SLC25A36: variants seen among roughly 807,000 people sequenced by gnomAD.
SLC25A36 encodes solute carrier family 25 member 36.
In SLC25A36, 24 loss-of-function variants were observed where a neutral mutation model predicts 35.3. The observed-to-expected ratio is 0.68, with a 90% CI of 0.49 to 0.96. The LOEUF is 0.96. SLC25A36 is among the 40% of genes least tolerant of loss of function. The probability of loss-of-function intolerance (pLI) is 0.00; values close to 1 mark genes in which losing one functional copy is unlikely to be tolerated. For synonymous variants in SLC25A36, 141 were observed against 132.2 expected (o/e 1.07, Z -0.46); for missense variants, 294 against 381.1 (o/e 0.77, Z 1.90).
At position 140,970,921 on chromosome 3, in the gene SLC25A36, G is replaced by T. The variant is rs748841547; in HGVS notation, c.386-6G>T. 1 of 1,395,226 alleles carries T rather than the reference G, an allele frequency of 7.2e-7. No homozygotes were observed. Among genetic ancestry groups the T allele is most frequent in the Non-Finnish European group, 1.0e-6 (1 of 983,074 alleles). The allele number at this position is 1,395,226 out of a possible 1,614,324, so 86.4% of individuals were successfully genotyped here. A position where few individuals can be genotyped will look rare whatever the true frequency, so the allele number is the denominator to read the frequency against. Reference sequence around the variant, plus strand: ...ACCAGAGTTCATTTTAAACATGTTTGTTTAGGTTTTACTGCAATCACAGCA... The same window carrying T: ...ACCAGAGTTCATTTTAAACATGTTTTTTTAGGTTTTACTGCAATCACAGCA... On this transcript the variant is annotated splice_polypyrimidine_tract_variant and splice_region_variant and intron_variant, in intron 4 of 6. Coordinates refer to ENST00000324194, the MANE Select transcript of SLC25A36 (RefSeq NM_001104647.3).
chr3:140,945,634 T>A (rs1267428469), intron 1 of SLC25A36, among the ~76,000 whole-genome samples: 2 of 151,964 alleles, frequency 1.3e-5, no homozygotes, highest in African/African-American at 4.8e-5. Flanking sequence ...ACATTTGTCC[T>A]GATGGTGCAA....
At chr3:140,952,030 T>A (rs1934341458) in intron 1 of SLC25A36, among the ~76,000 whole-genome samples, 1 of 151,104 alleles carries the variant, frequency 6.6e-6, no homozygotes, top group South Asian at 2.1e-4. Flanking sequence ...TTTTTTTTTT[T>A]TTTGCGATGG....
intron 3 of SLC25A36, 113 bp from the exon 4 acceptor site, chr3:140,963,014 C>A: frequency 1.7e-6 from 1 of 585,730 alleles, no homozygotes; most frequent in Non-Finnish European, 2.8e-6. Flanking sequence ...GAGAATGTGG[C>A]TAGGACTTTA....
chr3:140,967,888 A>G (rs1183194675), intron 4 of SLC25A36: 2 of 679,338 alleles, frequency 2.9e-6, no homozygotes, highest in Non-Finnish European at 3.6e-6. Context: ...TGTCGTCTTA[A>G]GTTCATTTTC....
chr3:140,973,304 A>G (rs1165392106), intron 5 of SLC25A36: 2 of 152,684 alleles, frequency 1.3e-5, no homozygotes, highest in East Asian at 1.9e-4. Context: ...CAGTCATTCT[A>G]TTTATGTTAC....
chr3:140,967,261 C>T (rs1934784733), intron 4 of SLC25A36, among the ~76,000 whole-genome samples: 1 of 151,874 alleles, frequency 6.6e-6, no homozygotes. Flanking sequence ...TTGGCCATAA[C>T]AGCCTTGACC....
At chr3:140,949,631 C>T (rs770014885) in intron 1 of SLC25A36, among the ~76,000 whole-genome samples, 14 of 152,068 alleles carry the variant, frequency 9.2e-5, no homozygotes, top group Non-Finnish European at 1.6e-4. Context: ...TCTGGGTATA[C>T]CAGGGGTATA....
intron 1 of SLC25A36, among the ~76,000 whole-genome samples, chr3:140,952,835 T>C (rs1244462422): frequency 6.6e-6 from 1 of 152,268 alleles, no homozygotes; most frequent in Admixed American, 6.5e-5. Context: ...AAGTAATTCA[T>C]GTTCATTGAA....
Position 140,976,383 on chromosome 3 carries a change from T to C in SLC25A36, c.866T>C (p.Val289Ala). Residue 289 changes from valine (V) to alanine (A), a missense_variant, in exon 7 of 7, where the codon GTG becomes GCG. By Grantham distance (64) the Val-to-Ala change is moderately conservative. Coordinates refer to ENST00000324194, the MANE Select transcript of SLC25A36 (RefSeq NM_001104647.3). ...TATCGTGGTCTGACAACTCATCTAGTGAGACAGATTCCAAACACAGCCATT... is the reference window on the plus strand; with the variant it reads ...TATCGTGGTCTGACAACTCATCTAGCGAGACAGATTCCAAACACAGCCATT... Reference protein sequence around the residue: ...SLYRGLTTHLVRQIPNTAIMM... With the variant: ...SLYRGLTTHLARQIPNTAIMM... The C allele has an allele frequency of 1.2e-6, 2 of 1,613,942 alleles. No individual in the cohort carries two copies. The highest frequency in any genetic ancestry group is 1.1e-5 in the South Asian group (1 of 91,062).
In SLC25A36 at chr3:140,976,403, G is replaced by T. The variant is rs1230832418; in HGVS notation, c.886G>T (p.Ala296Ser). 5.0e-6 allele frequency: 8 copies of T among 1,613,640 alleles called. No individual in the cohort carries two copies. Among genetic ancestry groups the T allele is most frequent in the African/African-American group, 1.3e-5 (1 of 74,898 alleles). ...TCTAGTGAGACAGATTCCAAACACA[G>T]CCATTATGATGGCCACCTATGAATT... ...THLVRQIPNT[A>S]IMMATYELVV... is the part of the protein sequence containing the mutation. The change falls in exon 7 of 7, where the codon GCC (alanine) becomes TCC (serine). Residue 296 changes from alanine to serine, a missense_variant. Physicochemically the swap from Ala to Ser is moderately conservative, Grantham distance 99. Around this residue, in one of 2 missense-constraint regions of SLC25A36, gnomAD observed 109 missense variants for 179.7 expected, o/e 0.61. Coordinates refer to ENST00000324194, the MANE Select transcript of SLC25A36 (RefSeq NM_001104647.3).
At chr3:140,949,573 A>G (rs939798397) in intron 1 of SLC25A36, among the ~76,000 whole-genome samples, 20 of 152,336 alleles carry the variant, frequency 1.3e-4, no homozygotes, top group Admixed American at 1.3e-4. Context: ...ATGAGTGTCA[A>G]TCTAGGTGGT....
chr3:140,970,801 A>C, intron 4 of SLC25A36, 126 bp from the exon 5 acceptor site: 1 of 540,800 alleles, frequency 1.8e-6, no homozygotes, highest in Non-Finnish European at 3.4e-6. Context: ...AGTGTAATAT[A>C]TACATAAATT....
intron 4 of SLC25A36, chr3:140,964,500 A>T (rs2107804190): frequency 6.6e-6 from 1 of 152,056 alleles, no homozygotes; most frequent in South Asian, 2.1e-4. Flanking sequence ...TATAGAGATT[A>T]TCTTGTTACA....
intron 2 of SLC25A36, among the ~76,000 whole-genome samples, chr3:140,959,000 G>T (rs1287412605): frequency 2.3e-5 from 3 of 132,186 alleles, no homozygotes; most frequent in African/African-American, 9.5e-5. Context: ...GTGTGTGTGT[G>T]TGTGTGTGTT....
chr3:140,942,172 G>A (rs1309971044), intron 1 of SLC25A36, 77 bp downstream of exon 1: 2 of 178,870 alleles, frequency 1.1e-5, no homozygotes, highest in Non-Finnish European at 2.2e-5. Context: ...GGCGAGGGGG[G>A]CCGAGGGGGG....
chr3:140,950,674 T>C (rs1477443853), intron 1 of SLC25A36, among the ~76,000 whole-genome samples: 1 of 152,214 alleles, frequency 6.6e-6, no homozygotes, highest in African/African-American at 2.4e-5. Flanking sequence ...TCTGCAGTTG[T>C]CGAGAAGTAT....
intron 5 of SLC25A36, among the ~76,000 whole-genome samples, chr3:140,973,496 G>A (rs997638793): frequency 7.2e-5 from 11 of 152,060 alleles, no homozygotes; most frequent in Non-Finnish European, 1.3e-4. Context: ...TCAGTGTAGT[G>A]CATTTTGCAT....
chr3:140,966,333 T>G (rs1934760458), intron 4 of SLC25A36: 1 of 329,568 alleles, frequency 3.0e-6, no homozygotes, highest in Non-Finnish European at 6.1e-6. Context: ...ATTCTTCCTG[T>G]TTTTTGTTTT....
chr3:140,952,622 T>TA (rs1480720175), intron 1 of SLC25A36, among the ~76,000 whole-genome samples: 1 of 152,224 alleles, frequency 6.6e-6, no homozygotes, highest in African/African-American at 2.4e-5. Context: ...GAGCACTTTT[T>TA]ATGTGCCACT....
Sources: allele counts gnomAD v4.1 joint callset (sites outside exome capture counted in the v4.1 genomes callset), GRCh38; gene constraint gnomAD v4.1.1; regional missense constraint gnomAD v4.1.1; transcripts MANE v1.5; gene names NCBI Gene and HGNC (gene_info 2026-07-23, HGNC 2026-07-21).